PPP3CB: variants seen among roughly 807,000 people sequenced by gnomAD.
The protein encoded by PPP3CB is serine/threonine-protein phosphatase 2B catalytic subunit beta isoform.
In PPP3CB, 8 loss-of-function variants were observed where a neutral mutation model predicts 66.4. The ratio of observed to expected loss-of-function variants is 0.12; its 90% confidence interval spans 0.07 to 0.22. PPP3CB has a LOEUF of 0.22. PPP3CB is among the 10% of genes least tolerant of loss of function. The pLI, the probability that PPP3CB is intolerant of heterozygous loss-of-function variation, is 1.00. For missense variants in PPP3CB, 319 were observed against 642.5 expected (o/e 0.50, Z 5.44); for synonymous variants, 208 against 221.2 (o/e 0.94, Z 0.53).
At chr10:73,491,117 G>A (rs1378252400) in intron 1 of PPP3CB, among the ~76,000 whole-genome samples, 4 of 127,416 alleles carry the variant, frequency 3.1e-5, no homozygotes, top group South Asian at 5.6e-4. Flanking sequence ...TGCAATCTCC[G>A]CCTCGCAGGT....
chr10:73,453,882 C>T (rs909470475), intron 10 of PPP3CB, among the ~76,000 whole-genome samples: 2 of 152,062 alleles, frequency 1.3e-5, no homozygotes, highest in African/African-American at 2.4e-5. Context: ...TGTTGGCTTA[C>T]GTAACAACAA....
intron 8 of PPP3CB, 75 bp downstream of exon 8, chr10:73,470,599 TCAAACAACACCCC>T: frequency 1.3e-6 from 1 of 772,602 alleles, no homozygotes. Context: ...ACTAATAGTT[TCAAACAACACCCC>T]TTTTTTATTA....
chr10:73,473,455 G>C (rs1346692881), intron 4 of PPP3CB, among the ~76,000 whole-genome samples: 1 of 152,110 alleles, frequency 6.6e-6, no homozygotes, highest in Admixed American at 6.5e-5. Flanking sequence ...GGAGTTAAGA[G>C]ACCAGCCTGG....
chr10:73,445,505 G>A (rs112851220), intron 11 of PPP3CB, among the ~76,000 whole-genome samples: 7,082 of 152,108 alleles, frequency 0.047, 500 homozygotes, highest in African/African-American at 0.15. Flanking sequence ...GGAGTGCAGC[G>A]GCACAATCAC....
chr10:73,468,472 C>G (rs1029853007), intron 8 of PPP3CB, among the ~76,000 whole-genome samples: 2 of 152,162 alleles, frequency 1.3e-5, no homozygotes, highest in Non-Finnish European at 2.9e-5. Flanking sequence ...CTGTGCAATG[C>G]TTGGTAAATT....
chr10:73,484,506 C>T (rs572154933), intron 1 of PPP3CB, among the ~76,000 whole-genome samples: 1 of 151,638 alleles, frequency 6.6e-6, no homozygotes, highest in East Asian at 2.0e-4. Context: ...CTCCTGACCT[C>T]GTGTTCTGCC....
intron 4 of PPP3CB, among the ~76,000 whole-genome samples, chr10:73,474,502 A>C (rs1384284207): frequency 2.0e-5 from 3 of 151,914 alleles, no homozygotes; most frequent in African/African-American, 7.3e-5. Context: ...GCATGATCTC[A>C]GCTCACTATG....
chr10:73,481,482 T>TATATAC (rs1186546929), intron 1 of PPP3CB, among the ~76,000 whole-genome samples: 2 of 150,902 alleles, frequency 1.3e-5, no homozygotes, highest in African/African-American at 4.9e-5. Context: ...TATATATATA[T>TATATAC]ATATACATAT....
intron 1 of PPP3CB, 87 bp downstream of exon 1, chr10:73,495,718 C>A: frequency 3.4e-6 from 5 of 1,489,314 alleles, no homozygotes; most frequent in Middle Eastern, 1.8e-4. Flanking sequence ...CCCTTCCGGG[C>A]CCACTCCCGA....
At chr10:73,441,316 A>G (rs1231199386) in intron 12 of PPP3CB, among the ~76,000 whole-genome samples, 2 of 152,214 alleles carry the variant, frequency 1.3e-5, no homozygotes, top group Non-Finnish European at 2.9e-5. Flanking sequence ...TACATTACAA[A>G]TCGGGCAGGA....
intron 1 of PPP3CB, among the ~76,000 whole-genome samples, chr10:73,494,271 C>T (rs2133063268): frequency 6.6e-6 from 1 of 151,118 alleles, no homozygotes; most frequent in South Asian, 2.1e-4. Flanking sequence ...AGGTGCAAAT[C>T]AGTGTTTTGT....
chr10:73,491,220 G>A (rs1006720266), intron 1 of PPP3CB, among the ~76,000 whole-genome samples: 1 of 151,556 alleles, frequency 6.6e-6, no homozygotes, highest in East Asian at 1.9e-4. Flanking sequence ...TAGTAGAGAC[G>A]GGGTTTCACC....
chr10:73,459,427 A>G (rs940681789), intron 9 of PPP3CB, among the ~76,000 whole-genome samples: 4 of 152,230 alleles, frequency 2.6e-5, no homozygotes, highest in African/African-American at 7.2e-5. Context: ...CGGAGCTTGC[A>G]GTGAGCCAAG....
intron 9 of PPP3CB, among the ~76,000 whole-genome samples, chr10:73,457,911 G>A (rs2056456775): frequency 6.6e-6 from 1 of 152,110 alleles, no homozygotes; most frequent in African/African-American, 2.4e-5. Flanking sequence ...ATAAGTGGAA[G>A]CTAAATAATA....
intron 9 of PPP3CB, among the ~76,000 whole-genome samples, chr10:73,454,753 A>G (rs2132831934): frequency 6.6e-6 from 1 of 152,164 alleles, no homozygotes; most frequent in African/African-American, 2.4e-5. Flanking sequence ...CCCCATAGAG[A>G]TAAGAACAGA....
chr10:73,449,240 G>A (rs2056307837), intron 10 of PPP3CB, among the ~76,000 whole-genome samples: 1 of 152,086 alleles, frequency 6.6e-6, no homozygotes, highest in Admixed American at 6.6e-5. Flanking sequence ...CCCAACGAAG[G>A]AAAAGCTAAA....
chr10:73,444,483 T>C (rs2056213687), intron 12 of PPP3CB: 2 of 1,203,024 alleles, frequency 1.7e-6, no homozygotes, highest in Admixed American at 5.1e-5. Context: ...CCATATCATT[T>C]CATGAAAAGC....
chr10:73,436,669 TTTAA>T lies in PPP3CB; in HGVS notation c.*1569_*1572del, dbSNP rs1174635690. 1 of 152,150 alleles carries T rather than the reference TTTAA, an allele frequency of 6.6e-6. No homozygotes were observed. The highest frequency in any genetic ancestry group is 2.4e-5 in the African/African-American group (1 of 41,418). 9.4% of individuals were successfully genotyped at this position (152,150 alleles called of 1,614,324 possible). A position where few individuals can be genotyped will look rare whatever the true frequency, so the allele number is the denominator to read the frequency against. On this transcript the variant is annotated 3_prime_UTR_variant, in exon 14 of 14. Transcript: ENST00000360663. ...TTTTTAAGGCAAAATTTATAAAGAATTTAATTAATCAAATTACCATGAACTATCC... is the reference window on the plus strand; with the variant it reads ...TTTTTAAGGCAAAATTTATAAAGAATTTAATCAAATTACCATGAACTATCC...
intron 1 of PPP3CB, among the ~76,000 whole-genome samples, chr10:73,487,300 T>G (rs754956181): frequency 5.9e-5 from 9 of 151,592 alleles, no homozygotes; most frequent in African/African-American, 9.7e-5. Context: ...GTAATCCCAG[T>G]ACTTTGGGAG....
Sources: gnomAD v4.1 joint callset for allele counts (sites outside exome capture counted in the v4.1 genomes callset) on GRCh38, gnomAD v4.1.1 for gene constraint, MANE v1.5 for transcripts, NCBI Gene and HGNC (gene_info 2026-07-23, HGNC 2026-07-21) for gene names.